DHRSX: variants seen among roughly 807,000 people sequenced by gnomAD.
DHRSX encodes the protein polyprenol dehydrogenase.
Under a neutral mutation model 34.0 loss-of-function variants are expected in DHRSX, and 31 were observed. That is an observed-to-expected ratio of 0.91 (90% CI 0.69 to 1.23). DHRSX has a LOEUF of 1.23. DHRSX is among the 50% of genes most tolerant of loss of function. The pLI, the probability that DHRSX is intolerant of heterozygous loss-of-function variation, is 0.00. For missense variants in DHRSX, 414 were observed against 428.1 expected (o/e 0.97, Z 0.29); for synonymous variants, 201 against 183.8 (o/e 1.09, Z -0.76).
chrX:2,320,441 C>T (rs1289143915), intron 3 of DHRSX, among the ~76,000 whole-genome samples: 15 of 135,634 alleles, frequency 1.1e-4, no homozygotes, highest in Non-Finnish European at 3.2e-5. Flanking sequence ...ATTACAGACA[C>T]GCACCACTAC....
At chrX:2,381,797 C>CAA (rs767319246) in intron 3 of DHRSX, among the ~76,000 whole-genome samples, 2,276 of 80,924 alleles carry the variant, frequency 0.028, 37 homozygotes, top group East Asian at 0.067. Context: ...AAGCCACAAC[C>CAA]AAAAAAAAAA....
chrX:2,224,859 T>A (rs2015605440), intron 6 of DHRSX, among the ~76,000 whole-genome samples: 1 of 150,368 alleles, frequency 6.7e-6, no homozygotes, highest in Admixed American at 6.6e-5. Context: ...TGCACACAAA[T>A]TCGCATGCAC....
At chrX:2,310,694 GAGAC>G (rs986127882) in intron 3 of DHRSX, among the ~76,000 whole-genome samples, 3 of 151,664 alleles carry the variant, frequency 2.0e-5, no homozygotes, top group African/African-American at 4.8e-5. Context: ...AGGGAGGAAA[GAGAC>G]AGAGAGAAAG....
chrX:2,276,514 A>T (rs2041652775), intron 4 of DHRSX, among the ~76,000 whole-genome samples: 1 of 152,194 alleles, frequency 6.6e-6, no homozygotes, highest in Non-Finnish European at 1.5e-5. Flanking sequence ...TGATCTGCCA[A>T]TTCAAAGGTG....
chrX:2,429,359 C>A (rs774030443), intron 1 of DHRSX, among the ~76,000 whole-genome samples: 26 of 151,994 alleles, frequency 1.7e-4, no homozygotes, highest in African/African-American at 6.3e-4. Context: ...TTTCTCAGCC[C>A]CAATGCCAAC....
At chrX:2,324,008 G>A (rs769827171) in intron 3 of DHRSX, among the ~76,000 whole-genome samples, 1 of 132,678 alleles carries the variant, frequency 7.5e-6, no homozygotes, top group Non-Finnish European at 1.6e-5. Context: ...AGTGAGCCAT[G>A]ATCACACCAC....
In DHRSX at chrX:2,425,246, G is replaced by C. The variant is rs1255359765; in HGVS notation, c.168C>G (p.Gly56=). 1.2e-6 allele frequency: 2 copies of C among 1,613,852 alleles called. No individual in the cohort carries two copies. Among genetic ancestry groups the C allele is most frequent in the South Asian group, 2.2e-5 (2 of 91,072 alleles). Residue 56 remains glycine (G), a synonymous_variant, in exon 2 of 7, where the codon GGC becomes GGG. Coordinates refer to ENST00000334651, the MANE Select transcript of DHRSX (RefSeq NM_145177.3). The part of the protein sequence containing the change: ...AIVTGGTDGI[G]YSTAKHLARL... Reference sequence around the variant, plus strand: ...TCGCCAGATGCTTCGCTGTAGAATAGCCAATGCCATCTGTCCCTCCCGTCA... The same window carrying C: ...TCGCCAGATGCTTCGCTGTAGAATACCCAATGCCATCTGTCCCTCCCGTCA...
At chrX:2,258,113 C>T (rs900698789) in intron 5 of DHRSX, among the ~76,000 whole-genome samples, 11 of 151,966 alleles carry the variant, frequency 7.2e-5, no homozygotes, top group Admixed American at 7.2e-4. Context: ...TGAGGAGGAA[C>T]CAGCCCTGCT....
rs780908164 is a variant in DHRSX at position 2,377,886 on chromosome X, G to A, written c.286+30859C>T. Among the ~76,000 whole-genome samples, 204 of 152,028 alleles carry A rather than the reference G, an allele frequency of 1.3e-3. 1 individual carries two copies. Among genetic ancestry groups the A allele is most frequent in the African/African-American group, 4.3e-3 (178 of 41,506 alleles). Reference sequence around the variant, plus strand: ...CCTGAGTAGCTGGGACTACAGGTGCGTGCCACCACACCCGGCTAATTTTTT... The same window carrying A: ...CCTGAGTAGCTGGGACTACAGGTGCATGCCACCACACCCGGCTAATTTTTT... On this transcript the variant is annotated intron_variant, in intron 3 of 6. Transcript: ENST00000334651.
chrX:2,420,855 G>A (rs5939091), intron 2 of DHRSX, among the ~76,000 whole-genome samples: 48,729 of 151,908 alleles, frequency 0.32, 9,378 homozygotes, highest in East Asian at 0.66. Flanking sequence ...ACCAAAAAGT[G>A]CTCACCTGCT....
At chrX:2,243,800 T>TGTTTGTTTTG (rs1314508105) in intron 5 of DHRSX, among the ~76,000 whole-genome samples, 28 of 80,626 alleles carry the variant, frequency 3.5e-4, no homozygotes, top group African/African-American at 1.1e-3. Context: ...TTTTTTTTTT[T>TGTTTGTTTTG]TTTTTTTTTT....
intron 1 of DHRSX, among the ~76,000 whole-genome samples, chrX:2,463,651 A>G (rs964163283): frequency 5.9e-5 from 9 of 152,168 alleles, no homozygotes; most frequent in African/African-American, 1.4e-4. Flanking sequence ...GACAAGGGAA[A>G]GAGAAGGAAT....
chrX:2,426,786 TCA>T (rs2043855821), intron 1 of DHRSX, among the ~76,000 whole-genome samples: 1 of 150,002 alleles, frequency 6.7e-6, no homozygotes, highest in South Asian at 2.1e-4. Context: ...CTTCCTTCTC[TCA>T]CTCTTTCCTT....
At chrX:2,356,255 A>C (rs1172546232) in intron 3 of DHRSX, among the ~76,000 whole-genome samples, 2 of 151,640 alleles carry the variant, frequency 1.3e-5, no homozygotes, top group Non-Finnish European at 2.9e-5. Context: ...GGCACCTGTA[A>C]TCCCAGCTAC....
chrX:2,327,724 G>C (rs1398984105), intron 3 of DHRSX, among the ~76,000 whole-genome samples: 3 of 152,150 alleles, frequency 2.0e-5, no homozygotes, highest in South Asian at 2.1e-4. Context: ...TTAAAGAGGT[G>C]ATTAAGGTAA....
At chrX:2,258,738 G>A (rs188789375) in intron 5 of DHRSX, among the ~76,000 whole-genome samples, 25 of 152,202 alleles carry the variant, frequency 1.6e-4, no homozygotes, top group African/African-American at 5.3e-4. Context: ...AGCTATGAAC[G>A]ATGAAAAAGG....
At chrX:2,363,718 C>CTGTT (rs2042966012) in intron 3 of DHRSX, among the ~76,000 whole-genome samples, 2 of 151,774 alleles carry the variant, frequency 1.3e-5, no homozygotes, top group Admixed American at 6.6e-5. Flanking sequence ...CATTTTATCA[C>CTGTT]CGTTCTATGG....
intron 1 of DHRSX, among the ~76,000 whole-genome samples, chrX:2,453,679 A>G (rs1178200491): frequency 6.6e-6 from 1 of 152,128 alleles, no homozygotes; most frequent in Non-Finnish European, 1.5e-5. Flanking sequence ...AAAAATACAT[A>G]AATTACATTA....
At chrX:2,468,841 A>G (rs2044540599) in intron 1 of DHRSX, among the ~76,000 whole-genome samples, 1 of 151,482 alleles carries the variant, frequency 6.6e-6, no homozygotes, top group African/African-American at 2.4e-5. Flanking sequence ...ACGTTCCCTA[A>G]GCTTGTGGCT....
Sources: gnomAD v4.1 joint callset for allele counts (sites outside exome capture counted in the v4.1 genomes callset) on GRCh38, gnomAD v4.1.1 for gene constraint, MANE v1.5 for transcripts, NCBI Gene and HGNC (gene_info 2026-07-23, HGNC 2026-07-21) for gene names.